The following PLPP1 variants were observed in gnomAD, a reference collection of about 807,000 sequenced individuals.
The protein encoded by PLPP1 is phospholipid phosphatase 1.
A neutral mutation model predicts 31.2 loss-of-function variants in PLPP1; 24 were observed. The observed-to-expected ratio is 0.77, with a 90% CI of 0.56 to 1.08. PLPP1 has a LOEUF of 1.08. Ranked by LOEUF, PLPP1 falls within the 50% of genes least tolerant of loss-of-function variation. The probability of loss-of-function intolerance (pLI) is 0.00; values close to 1 mark genes in which losing one functional copy is unlikely to be tolerated. For synonymous variants in PLPP1, 146 were observed against 126.3 expected (o/e 1.16, Z -1.05); for missense variants, 319 against 342.7 (o/e 0.93, Z 0.55).
At chr5:55,470,974 T>G (rs1752401227) in intron 2 of PLPP1, among the ~76,000 whole-genome samples, 1 of 152,164 alleles carries the variant, frequency 6.6e-6, no homozygotes, top group Non-Finnish European at 1.5e-5. Context: ...CACAGTATTC[T>G]CTTATCATCC....
At chr5:55,475,601 CAACGG>C (rs1752521044) in intron 1 of PLPP1, 151 bp from the exon 2 acceptor site, 2 of 671,274 alleles carry the variant, frequency 3.0e-6, no homozygotes, top group African/African-American at 1.8e-5. Flanking sequence ...GCAATGCATG[CAACGG>C]AAGTTAGAAA....
At chr5:55,475,764 G>C (rs184587624) in intron 1 of PLPP1, among the ~76,000 whole-genome samples, 98 of 152,250 alleles carry the variant, frequency 6.4e-4, no homozygotes, top group African/African-American at 2.3e-3. Context: ...TCACGTTCTT[G>C]TTGTCATTTA....
At chr5:55,489,283 A>C (rs956207106) in intron 1 of PLPP1, among the ~76,000 whole-genome samples, 1 of 152,216 alleles carries the variant, frequency 6.6e-6, no homozygotes, top group Non-Finnish European at 1.5e-5. Context: ...GTTTTTCTTA[A>C]AAAAGAAACT....
At chr5:55,497,893 A>G (rs1267812734) in intron 1 of PLPP1, among the ~76,000 whole-genome samples, 1 of 152,072 alleles carries the variant, frequency 6.6e-6, no homozygotes, top group Non-Finnish European at 1.5e-5. Flanking sequence ...AAATAAACAC[A>G]GCAACTCTAC....
At chr5:55,488,683 C>A (rs534767067) in intron 1 of PLPP1, among the ~76,000 whole-genome samples, 10 of 151,918 alleles carry the variant, frequency 6.6e-5, no homozygotes, top group Admixed American at 2.6e-4. Flanking sequence ...ACAACAACAA[C>A]AACAAAAAAA....
chr5:55,515,145 T>A lies in PLPP1; in HGVS notation c.58+19427A>T, dbSNP rs1237941612. On this transcript the variant is annotated intron_variant, in intron 1 of 5. Coordinates refer to ENST00000307259, the MANE Select transcript of PLPP1 (RefSeq NM_003711.4). ...TTACCAGGCTCCAATCCCAGACTCTTTCCGCTATACTTGGTGATAGTTAGA... is the reference window on the plus strand; with the variant it reads ...TTACCAGGCTCCAATCCCAGACTCTATCCGCTATACTTGGTGATAGTTAGA... Among the ~76,000 whole-genome samples, 3 of 152,330 alleles carry A rather than the reference T, an allele frequency of 2.0e-5. No individual in the cohort carries two copies. The East Asian group carries it at 5.8e-4, about 29-fold the overall frequency.
intron 1 of PLPP1, among the ~76,000 whole-genome samples, chr5:55,496,779 G>T (rs1753011609): frequency 6.6e-6 from 1 of 152,192 alleles, no homozygotes; most frequent in South Asian, 2.1e-4. Flanking sequence ...TACCTGGATA[G>T]ATGTAAACAG....
Position 55,468,118 on chromosome 5 carries a change from C to G in PLPP1, c.242G>C (p.Cys81Ser). Residue 81 changes from cysteine (C) to serine (S), a missense_variant, in exon 3 of 6, where the codon TGT becomes TCT. Coordinates refer to ENST00000307259, the MANE Select transcript of PLPP1 (RefSeq NM_003711.4). ...AAAGGAATTTGAGTGCAAAAGGTTA[C>G]AGTAAACAGACAGGGTTTCTCCAAG... ...IILGETLSVY[C>S]NLLHSNSFIR... is the part of the protein sequence containing the mutation. 6.2e-7 allele frequency: 1 copy of G among 1,607,752 alleles called. No homozygotes were observed. Among genetic ancestry groups the G allele is most frequent in the Non-Finnish European group, 8.5e-7 (1 of 1,176,588 alleles).
intron 3 of PLPP1, among the ~76,000 whole-genome samples, chr5:55,465,676 C>T (rs1013368851): frequency 1.3e-5 from 2 of 152,194 alleles, no homozygotes; most frequent in Non-Finnish European, 2.9e-5. Context: ...TTTTGTTTTA[C>T]ATGGTATGTT....
At chr5:55,498,016 G>C (rs996040089) in intron 1 of PLPP1, among the ~76,000 whole-genome samples, 1 of 150,920 alleles carries the variant, frequency 6.6e-6, no homozygotes, top group Non-Finnish European at 1.5e-5. Flanking sequence ...AGGGGCAATG[G>C]AAGATAAGCA....
At chr5:55,528,718 G>A (rs1239458070) in intron 1 of PLPP1, among the ~76,000 whole-genome samples, 1 of 152,026 alleles carries the variant, frequency 6.6e-6, no homozygotes, top group Admixed American at 6.6e-5. Context: ...GTTCAGTGTA[G>A]AACAAAACCA....
At chr5:55,443,192 A>AAAAAAAAAATATATATATAT in intron 3 of PLPP1, among the ~76,000 whole-genome samples, 1 of 25,412 alleles carries the variant, frequency 3.9e-5, no homozygotes, top group Non-Finnish European at 8.6e-5. Context: ...AAAAAAAAAA[A>AAAAAAAAAATATATATATAT]ATATATATAT....
At chr5:55,533,660 T>A (rs1740764562) in intron 1 of PLPP1, among the ~76,000 whole-genome samples, 2 of 152,186 alleles carry the variant, frequency 1.3e-5, no homozygotes, top group Non-Finnish European at 2.9e-5. Context: ...TCAACATGAG[T>A]AGGACTATCC....
chr5:55,430,646 G>A (rs574640817), intron 4 of PLPP1, among the ~76,000 whole-genome samples: 14 of 152,276 alleles, frequency 9.2e-5, no homozygotes, highest in Admixed American at 1.3e-4. Context: ...TAAACCAGAT[G>A]TACAGATACC....
At chr5:55,500,221 A>C (rs10057211) in intron 1 of PLPP1, among the ~76,000 whole-genome samples, 17,636 of 151,694 alleles carry the variant, frequency 0.12, 1,078 homozygotes, top group Middle Eastern at 0.16. Flanking sequence ...CTGGGACTAC[A>C]GGCGCCCGCC....
rs532821412 is a variant in PLPP1 at position 55,439,003 on chromosome 5, C to T, written c.549+2848G>A. On this transcript the variant is annotated intron_variant, in intron 4 of 5. Coordinates refer to ENST00000307259, the MANE Select transcript of PLPP1 (RefSeq NM_003711.4). Reference sequence around the variant, plus strand: ...TACATCCACATCAAGCAAATATTTCCACTACCTAGAGTCAGTAAAATGCAG... The same window carrying T: ...TACATCCACATCAAGCAAATATTTCTACTACCTAGAGTCAGTAAAATGCAG... 6.2e-4 allele frequency among the ~76,000 whole-genome samples: 94 copies of T among 152,162 alleles called. No homozygotes were observed. The South Asian group carries it at 7.7e-3, about 12-fold the overall frequency.
chr5:55,430,045 G>A (rs923496272), intron 4 of PLPP1, among the ~76,000 whole-genome samples: 1 of 151,988 alleles, frequency 6.6e-6, no homozygotes, highest in Non-Finnish European at 1.5e-5. Flanking sequence ...TCCTCCCAGG[G>A]GCCTCAGGAA....
chr5:55,510,748 AT>A (rs11344555), intron 1 of PLPP1, among the ~76,000 whole-genome samples: 90,223 of 151,852 alleles, frequency 0.59, 27,996 homozygotes, highest in Non-Finnish European at 0.7. Context: ...GTAGTCAAGT[AT>A]ATCTGGCTGG....
chr5:55,482,498 G>A (rs1752692998), intron 1 of PLPP1, among the ~76,000 whole-genome samples: 1 of 152,110 alleles, frequency 6.6e-6, no homozygotes, highest in Non-Finnish European at 1.5e-5. Flanking sequence ...GAGCAATACA[G>A]ACCATTCCTA....
Sources: allele counts gnomAD v4.1 joint callset (sites outside exome capture counted in the v4.1 genomes callset), GRCh38; gene constraint gnomAD v4.1.1; transcripts MANE v1.5; gene names NCBI Gene and HGNC (gene_info 2026-07-23, HGNC 2026-07-21).